KCNMA1: variants seen among roughly 807,000 people sequenced by gnomAD.
The protein encoded by KCNMA1 is Calcium-activated potassium channel subunit alpha-1.
KCNMA1 carries 29 observed loss-of-function variants against 140.0 expected under a neutral mutation model. The observed-to-expected ratio is 0.21, with a 90% CI of 0.15 to 0.28. KCNMA1 has a LOEUF of 0.28. Among genes scored for constraint, KCNMA1 ranks in the 10% least tolerant of loss-of-function variants. The pLI, the probability that KCNMA1 is intolerant of heterozygous loss-of-function variation, is 1.00. For synonymous variants in KCNMA1, 612 were observed against 611.9 expected (o/e 1.00, Z 0.00); for missense variants, 880 against 1,602.2 (o/e 0.55, Z 7.70).
At chr10:77,494,047 G>C (rs1421397195) in intron 1 of KCNMA1, 1 of 152,172 alleles carries the variant, frequency 6.6e-6, no homozygotes. Context: ...TTGCTTTCTG[G>C]GGGCTGATGA....
chr10:77,447,769 T>G (rs146885852), intron 1 of KCNMA1, among the ~76,000 whole-genome samples: 1 of 152,318 alleles, frequency 6.6e-6, no homozygotes, highest in Non-Finnish European at 1.5e-5. Flanking sequence ...TAAGAAGTGA[T>G]GGAAGGTCAG....
intron 5 of KCNMA1, among the ~76,000 whole-genome samples, chr10:77,142,175 G>A (rs1217099758): frequency 6.6e-6 from 1 of 152,016 alleles, no homozygotes; most frequent in East Asian, 1.9e-4. Flanking sequence ...AGACCATTCT[G>A]GCTAACACGG....
intron 1 of KCNMA1, among the ~76,000 whole-genome samples, chr10:77,574,338 T>C (rs942202464): frequency 1.3e-5 from 2 of 152,126 alleles, no homozygotes; most frequent in Non-Finnish European, 2.9e-5. Flanking sequence ...CACATGTATA[T>C]ACACAATGTA....
intron 5 of KCNMA1, among the ~76,000 whole-genome samples, chr10:77,179,496 G>A (rs757672283): frequency 6.6e-6 from 1 of 152,128 alleles, no homozygotes; most frequent in Non-Finnish European, 1.5e-5. Context: ...AGAACACGGA[G>A]TCTTAAATAA....
chr10:77,631,150 G>C (rs1030873872), intron 1 of KCNMA1, among the ~76,000 whole-genome samples: 3 of 148,318 alleles, frequency 2.0e-5, no homozygotes, highest in South Asian at 2.2e-4. Flanking sequence ...CCCAGGCCTA[G>C]AGACACTCTC....
chr10:77,507,633 A>C (rs1459129641), intron 1 of KCNMA1, among the ~76,000 whole-genome samples: 2 of 152,208 alleles, frequency 1.3e-5, no homozygotes, highest in Non-Finnish European at 2.9e-5. Context: ...AACATGCCCA[A>C]GCTATGACCC....
intron 21 of KCNMA1, among the ~76,000 whole-genome samples, chr10:76,950,797 G>A (rs1311855245): frequency 6.6e-6 from 1 of 152,172 alleles, no homozygotes; most frequent in African/African-American, 2.4e-5. Context: ...AATAAAGCAG[G>A]GGCTGTCACC....
At chr10:77,392,152 GAGGA>G (rs2095853753) in intron 2 of KCNMA1, among the ~76,000 whole-genome samples, 1 of 129,102 alleles carries the variant, frequency 7.7e-6, no homozygotes, top group African/African-American at 2.9e-5. Context: ...GGGAGGGAGG[GAGGA>G]AGGGAGGGAG....
chr10:77,627,698 G>T (rs771894229), intron 1 of KCNMA1, among the ~76,000 whole-genome samples: 1 of 152,178 alleles, frequency 6.6e-6, no homozygotes, highest in African/African-American at 2.4e-5. Context: ...ATCCACCAAG[G>T]CTTGTTCTGC....
chr10:77,143,773 A>G (rs933681673), intron 5 of KCNMA1, among the ~76,000 whole-genome samples: 4 of 152,204 alleles, frequency 2.6e-5, no homozygotes, highest in Non-Finnish European at 5.9e-5. Context: ...TCTCATAAAA[A>G]GACAATAAAT....
chr10:77,331,506 C>T (rs570349184), intron 2 of KCNMA1, among the ~76,000 whole-genome samples: 1 of 152,002 alleles, frequency 6.6e-6, no homozygotes, highest in Non-Finnish European at 1.5e-5. Flanking sequence ...CCACTTAAGT[C>T]CTCATATTTA....
chr10:77,008,327 G>T (rs2089726134), intron 18 of KCNMA1: 2 of 828,894 alleles, frequency 2.4e-6, no homozygotes, highest in Middle Eastern at 5.6e-4. Context: ...GACATTACTT[G>T]TCCACTAGGA....
At chr10:76,899,235 T>C (rs886472350) in intron 25 of KCNMA1, among the ~76,000 whole-genome samples, 2 of 152,146 alleles carry the variant, frequency 1.3e-5, no homozygotes, top group African/African-American at 4.8e-5. Context: ...GTTTGACATA[T>C]GTGTAATTGC....
chr10:77,001,467 C>CAAGGGTGTCCA lies in KCNMA1; in HGVS notation c.2195_2205dup (p.Glu736TrpfsTer54). 6.4e-7 allele frequency: 1 copy of CAAGGGTGTCCA among 1,551,870 alleles called. No individual in the cohort carries two copies. Among genetic ancestry groups the CAAGGGTGTCCA allele is most frequent in the Non-Finnish European group, 8.7e-7 (1 of 1,147,002 alleles). ...ACAGAAGAAAGTGGGAAGGCTCTCTCAAGGGTGTCCACGTTACCACGCACA... is the reference window on the plus strand; with the variant it reads ...ACAGAAGAAAGTGGGAAGGCTCTCTCAAGGGTGTCCAAAGGGTGTCCACGTTACCACGCACA... On this transcript the variant is annotated frameshift_variant, in exon 19 of 28. Transcript: ENST00000286628. LOFTEE classifies it high-confidence loss of function.
chr10:77,148,854 G>A (rs2098364962), intron 5 of KCNMA1, among the ~76,000 whole-genome samples: 1 of 152,210 alleles, frequency 6.6e-6, no homozygotes, highest in African/African-American at 2.4e-5. Flanking sequence ...CTCTGATGTA[G>A]CTGACATCTT....
intron 5 of KCNMA1, chr10:77,149,755 C>G (rs567493357): frequency 4.1e-4 from 62 of 152,268 alleles, no homozygotes; most frequent in Middle Eastern, 3.4e-3. Context: ...GCTTTGTTGA[C>G]CTAACAACTC....
chr10:76,892,214 T>G lies in KCNMA1; in HGVS notation c.3148-495A>C, dbSNP rs145336001. 3.9e-5 allele frequency among the ~76,000 whole-genome samples: 6 copies of G among 152,344 alleles called. No individual in the cohort carries two copies. In the East Asian group the frequency reaches 1.2e-3, roughly 29 times the overall value. On this transcript the variant is annotated intron_variant, in intron 25 of 27. Transcript: ENST00000286628. ...GCCACACGCTTAACGATTTACCACATGCGTTGATAACTGTCTAACTCAGAA... is the reference window on the plus strand; with the variant it reads ...GCCACACGCTTAACGATTTACCACAGGCGTTGATAACTGTCTAACTCAGAA...
At chr10:76,958,793 T>C (rs559727420) in intron 20 of KCNMA1, among the ~76,000 whole-genome samples, 145 of 152,286 alleles carry the variant, frequency 9.5e-4, no homozygotes, top group Non-Finnish European at 1.7e-3. Context: ...CATCTCAGAC[T>C]TCTAGCCACC....
Position 77,422,216 on chromosome 10 carries a change from A to C in KCNMA1, c.379-18193T>G, listed in dbSNP as rs534959076. Among the ~76,000 whole-genome samples, 7 of 152,354 alleles carry C rather than the reference A, an allele frequency of 4.6e-5. No individual in the cohort carries two copies. In the South Asian group the frequency reaches 1.0e-3, roughly 23 times the overall value. ...AGGAGAGACGGCAGAATTTAGAGGA[A>C]TGGGTCTCAAACTTTAGTGTGCATC... is the stretch of plus-strand genomic sequence containing the variant. On this transcript the variant is annotated intron_variant, in intron 1 of 27. Coordinates refer to ENST00000286628, the MANE Select transcript of KCNMA1 (RefSeq NM_001161352.2).
Sources: gnomAD v4.1 joint callset for allele counts (sites outside exome capture counted in the v4.1 genomes callset) on GRCh38, gnomAD v4.1.1 for gene constraint, MANE v1.5 for transcripts, NCBI Gene and HGNC (gene_info 2026-07-23, HGNC 2026-07-21) for gene names.